The following VWA2 variants were observed in gnomAD, a reference collection of about 807,000 sequenced individuals.
The protein encoded by VWA2 is von Willebrand factor A domain containing 2.
Under a neutral mutation model 70.4 loss-of-function variants are expected in VWA2, and 73 were observed. The observed-to-expected ratio is 1.04, with a 90% CI of 0.86 to 1.26. The LOEUF (loss-of-function observed/expected upper bound fraction) is 1.26. VWA2 is among the 50% of genes most tolerant of loss of function. VWA2 has a pLI of 0.00. For missense variants in VWA2, 1,011 were observed against 998.5 expected (o/e 1.01, Z -0.17); for synonymous variants, 407 against 423.3 (o/e 0.96, Z 0.47).
chr10:114,267,241 C>T lies in VWA2; in HGVS notation c.372-5499C>T, dbSNP rs1189344931. On this transcript the variant is annotated intron_variant, in intron 5 of 13. Coordinates refer to ENST00000392982, the MANE Select transcript of VWA2 (RefSeq NM_001272046.2). ...GTGATTCTCCTGCCTCAGACTCTCC[C>T]GAGTAGCTGGGATTACAGGCACCCG... Among the ~76,000 whole-genome samples, 5 of 151,290 alleles carry T rather than the reference C, an allele frequency of 3.3e-5. No individual in the cohort carries two copies. In the East Asian group the frequency reaches 9.8e-4, roughly 30 times the overall value.
chr10:114,255,153 A>G, intron 4 of VWA2, 105 bp downstream of exon 4: 1 of 1,436,362 alleles, frequency 7.0e-7, no homozygotes, highest in Non-Finnish European at 9.6e-7. Flanking sequence ...TGGAGCTGGG[A>G]AGACCAAGGG....
rs1205610277 is a variant in VWA2, at chr10:114,254,977, A to G, written c.190A>G (p.Lys64Glu). ...FLLDGSNSVG[K>E]GSFERSKHFA... ...GTTAGATGGGTCTAACAGCGTCGGG[A>G]AAGGGAGCTTTGAAAGGTCCAAGCA... The change falls in exon 4 of 14, where the codon AAA becomes GAA. Residue 64 changes from lysine to glutamate, a missense_variant. Transcript: ENST00000392982. 2 of 1,613,292 alleles carry G rather than the reference A, an allele frequency of 1.2e-6. No homozygotes were observed. The highest frequency in any genetic ancestry group is 4.5e-5 in the East Asian group (2 of 44,868).
chr10:114,246,158 G>T, intron 1 of VWA2: 1 of 1,170,758 alleles, frequency 8.5e-7, no homozygotes, highest in South Asian at 1.2e-5. Context: ...ATTTTTAGTT[G>T]GGAAGCCTCC....
chr10:114,248,497 T>C (rs529004381), intron 1 of VWA2, among the ~76,000 whole-genome samples: 7 of 152,216 alleles, frequency 4.6e-5, no homozygotes, highest in African/African-American at 1.7e-4. Flanking sequence ...GGGGAAGATG[T>C]TAGCTTGGTG....
chr10:114,283,569 T>C (rs887783879), intron 9 of VWA2, among the ~76,000 whole-genome samples: 3 of 152,178 alleles, frequency 2.0e-5, no homozygotes, highest in African/African-American at 7.2e-5. Context: ...TAGAGTGAAA[T>C]GGCTTTCAGT....
rs185962410 is a variant in VWA2 at position 114,261,973 on chromosome 10, G to A, written c.371+678G>A. Among the ~76,000 whole-genome samples the A allele has an allele frequency of 4.0e-3, 602 of 152,244 alleles. 3 individuals are homozygous for A. The highest frequency in any genetic ancestry group is 0.013 in the African/African-American group (559 of 41,532). On this transcript the variant is annotated intron_variant, in intron 5 of 13. Transcript: ENST00000392982. ...TGGGGGGGCAGGTGCATCACATGGC[G>A]AGAGCAGGAGCAAGAGAGAGGAGGA...
At chr10:114,248,641 G>A in intron 1 of VWA2, 63 bp from the exon 2 acceptor site, 4 of 1,431,856 alleles carry the variant, frequency 2.8e-6, no homozygotes, top group African/African-American at 2.8e-5. Flanking sequence ...GTTTGGCGGT[G>A]TGACTTGGGG....
Position 114,278,788 on chromosome 10 carries a change from C to A in VWA2, c.770C>A (p.Ala257Asp). Residue 257 changes from alanine to aspartate, a missense_variant, in exon 8 of 14, where the codon GCC becomes GAC. Ala to Asp is a moderately radical substitution (Grantham distance 126). Coordinates refer to ENST00000392982, the MANE Select transcript of VWA2 (RefSeq NM_001272046.2). Reference sequence around the variant, plus strand: ...ATGGTCCGGGAGTTCGCTGGCAATGCCCCATGCTGGAGAGGATCGCGGCGG... The same window carrying A: ...ATGGTCCGGGAGTTCGCTGGCAATGACCCATGCTGGAGAGGATCGCGGCGG... ...LEMVREFAGN[A>D]PCWRGSRRTL... The A allele has an allele frequency of 6.2e-7, 1 of 1,613,788 alleles. No individual in the cohort carries two copies. Among genetic ancestry groups the A allele is most frequent in the South Asian group, 1.1e-5 (1 of 91,070 alleles).
intron 8 of VWA2, chr10:114,281,660 CTTG>C: frequency 1.1e-6 from 1 of 873,208 alleles, no homozygotes; most frequent in South Asian, 5.2e-5. Context: ...CGTGTGGACA[CTTG>C]TTGTGTGGAC....
intron 4 of VWA2, 28 bp downstream of exon 4, chr10:114,255,076 G>C: frequency 6.2e-7 from 1 of 1,608,506 alleles, no homozygotes; most frequent in Admixed American, 1.7e-5. Context: ...GGGTGTTTGT[G>C]TTAGGGCGTC....
Position 114,243,557 on chromosome 10 carries a change from T to C in VWA2, c.-11+3988T>C, listed in dbSNP as rs7074165. On this transcript the variant is annotated intron_variant, in intron 1 of 13. Transcript: ENST00000392982. ...ACTGTTCTGGTAAAGGGCTCAGATTTCCATCCTGCTGATTTGGAGGAGGCT... is the reference window on the plus strand; with the variant it reads ...ACTGTTCTGGTAAAGGGCTCAGATTCCCATCCTGCTGATTTGGAGGAGGCT... Among the ~76,000 whole-genome samples, 689 of 152,308 alleles carry C rather than the reference T, an allele frequency of 4.5e-3. 5 individuals are homozygous for C. Among genetic ancestry groups the C allele is most frequent in the African/African-American group, 0.016 (650 of 41,566 alleles).
Position 114,261,310 on chromosome 10 carries a change from A to C in VWA2, c.371+15A>C. ...ATGGTTTTCAAGTATGTATGATCAG[A>C]TACTGCTGTGGTTAGGGTGACGCCA... On this transcript the variant is annotated intron_variant, in intron 5 of 13. Transcript: ENST00000392982. 6.2e-7 allele frequency: 1 copy of C among 1,605,532 alleles called. No homozygotes were observed. The highest frequency in any genetic ancestry group is 8.5e-7 in the Non-Finnish European group (1 of 1,172,176).
chr10:114,275,649 C>G (rs117478702), intron 6 of VWA2, among the ~76,000 whole-genome samples: 1 of 152,102 alleles, frequency 6.6e-6, no homozygotes, highest in African/African-American at 2.4e-5. Context: ...AAAATGAGGC[C>G]GGGCATGGTG....
chr10:114,263,615 G>C (rs1453399175), intron 5 of VWA2, among the ~76,000 whole-genome samples: 1 of 152,062 alleles, frequency 6.6e-6, no homozygotes. Context: ...GGGATTACAG[G>C]TGTGAGCCAC....
intron 2 of VWA2, among the ~76,000 whole-genome samples, chr10:114,252,798 C>A (rs1440512765): frequency 6.6e-6 from 1 of 152,026 alleles, no homozygotes; most frequent in Non-Finnish European, 1.5e-5. Context: ...GGGGTTTCAC[C>A]ATGTTGGCCA....
At chr10:114,252,022 T>C (rs2037207620) in intron 2 of VWA2, among the ~76,000 whole-genome samples, 1 of 151,850 alleles carries the variant, frequency 6.6e-6, no homozygotes, top group South Asian at 2.1e-4. Context: ...GGCCAGGCTG[T>C]TCTTGAACCC....
At chr10:114,246,519 A>G (rs1161801325) in intron 1 of VWA2, 2 of 803,304 alleles carry the variant, frequency 2.5e-6, no homozygotes, top group Admixed American at 2.9e-5. Context: ...AAAAAAAAAA[A>G]AAAAAACGAG....
At position 114,286,133 on chromosome 10, in the gene VWA2, G is replaced by T. The variant is rs373942949; in HGVS notation, c.1192G>T (p.Gly398Trp). Residue 398 changes from glycine to tryptophan, a missense_variant, in exon 11 of 14, where the codon GGG becomes TGG. Physicochemically the swap from Gly to Trp is radical, Grantham distance 184. Transcript: ENST00000392982. ...GGAGCTGCTGGTGGCGGTGCCTGTG[G>T]GGGAGTACCAGGATGTGCCTGACCT... Reference protein sequence around the residue: ...SRELLVAVPVGEYQDVPDLVW... With the variant: ...SRELLVAVPVWEYQDVPDLVW... The T allele has an allele frequency of 1.2e-6, 2 of 1,614,106 alleles. No individual in the cohort carries two copies. The highest frequency in any genetic ancestry group is 1.7e-5 in the Admixed American group (1 of 60,032).
intron 6 of VWA2, among the ~76,000 whole-genome samples, chr10:114,276,326 C>G (rs898708424): frequency 6.6e-6 from 1 of 152,196 alleles, no homozygotes; most frequent in African/African-American, 2.4e-5. Context: ...CTGCTGGAAA[C>G]GCACAGCCTG....
Sources: allele counts gnomAD v4.1 joint callset (sites outside exome capture counted in the v4.1 genomes callset), GRCh38; gene constraint gnomAD v4.1.1; transcripts MANE v1.5; gene names NCBI Gene and HGNC (gene_info 2026-07-23, HGNC 2026-07-21).